Variants in IGF2R observed in about 807,000 individuals in gnomAD.
The protein encoded by IGF2R is insulin like growth factor 2 receptor.
Under a neutral mutation model 270.6 loss-of-function variants are expected in IGF2R, and 91 were observed. The observed-to-expected ratio is 0.34, with a 90% CI of 0.28 to 0.40. The LOEUF (loss-of-function observed/expected upper bound fraction) is 0.40, where lower values mean the gene tolerates loss of function less well. Among genes scored for constraint, IGF2R ranks in the 10% least tolerant of loss-of-function variants. The pLI is 1.00. For synonymous variants in IGF2R, 1,316 were observed against 1,258.9 expected (o/e 1.05, Z -0.96); for missense variants, 2,805 against 3,188.3 (o/e 0.88, Z 2.90).
chr6:160,087,903 T>C, intron 41 of IGF2R, 130 bp from the exon 42 acceptor site: 1 of 635,448 alleles, frequency 1.6e-6, no homozygotes, highest in Non-Finnish European at 2.9e-6. Context: ...CTCTAACTCC[T>C]GACCTCAAGT....
In IGF2R at chr6:160,050,632, G is replaced by A. The variant is rs372347541; in HGVS notation, c.2674G>A (p.Val892Ile). 2.5e-5 allele frequency: 40 copies of A among 1,608,456 alleles called. 1 individual carries two copies. In the Admixed American group the frequency reaches 5.0e-4, roughly 20 times the overall value. The part of the protein sequence containing the change: ...QTTYTTRIHL[V>I]CSRGRLNSHP... ...CACATATACCACGAGGATCCATCTC[G>A]TCTGCTCCAGGGGCAGGCTGGTAAG... The change falls in exon 19 of 48, where the codon GTC becomes ATC. Residue 892 changes from valine to isoleucine, a missense_variant. Physicochemically the swap from Val to Ile is conservative, Grantham distance 29 (BLOSUM62 3). Coordinates refer to ENST00000356956, the MANE Select transcript of IGF2R (RefSeq NM_000876.4). The surrounding 1 kb of genome is among the most constrained non-coding windows in gnomAD (Gnocchi z 4.0).
intron 32 of IGF2R, among the ~76,000 whole-genome samples, chr6:160,072,486 C>T (rs1778763555): frequency 6.6e-6 from 1 of 152,176 alleles, no homozygotes. Flanking sequence ...GCAGGCTCTC[C>T]CCATGCCCAC....
chr6:159,992,598 T>TCACACACACACA (rs71033567), intron 2 of IGF2R, among the ~76,000 whole-genome samples: 8 of 146,152 alleles, frequency 5.5e-5, no homozygotes, highest in African/African-American at 2.0e-4. Flanking sequence ...AAGAATGAAA[T>TCACACACACACA]CACACACACA....
chr6:160,067,480 A>G (rs1778610954), intron 29 of IGF2R, among the ~76,000 whole-genome samples: 1 of 152,038 alleles, frequency 6.6e-6, no homozygotes, highest in African/African-American at 2.4e-5. Context: ...TTTCTTCCAC[A>G]GGTAATTTTG....
intron 37 of IGF2R, among the ~76,000 whole-genome samples, 176 bp from the exon 38 acceptor site, chr6:160,079,398 TGGGGGA>T (rs920625427): frequency 3.3e-5 from 5 of 152,120 alleles, no homozygotes; most frequent in Non-Finnish European, 7.4e-5. Context: ...GCCTAGGGGT[TGGGGGA>T]GGCCCCCCAG....
At chr6:160,001,186 TC>T (rs1784124695) in intron 2 of IGF2R, among the ~76,000 whole-genome samples, 1 of 152,102 alleles carries the variant, frequency 6.6e-6, no homozygotes, top group African/African-American at 2.4e-5. Context: ...TTACAGCCGC[TC>T]CCCATTGCTT....
intron 19 of IGF2R, among the ~76,000 whole-genome samples, chr6:160,054,069 T>G (rs1778254927): frequency 1.3e-5 from 2 of 152,222 alleles, no homozygotes; most frequent in East Asian, 1.9e-4. Flanking sequence ...GAGCTTTATT[T>G]CTCATAAAGA....
intron 44 of IGF2R, chr6:160,095,406 C>T (rs1316564900): frequency 6.6e-6 from 1 of 152,328 alleles, no homozygotes; most frequent in Non-Finnish European, 1.5e-5. Context: ...TATGGAAGTG[C>T]CTAATGTATC....
rs1254194691 is a variant in IGF2R, at chr6:160,109,715, T to A, written c.*4631T>A. 6.6e-6 allele frequency: 1 copy of A among 152,212 alleles called. No individual in the cohort carries two copies. Among genetic ancestry groups the A allele is most frequent in the Non-Finnish European group, 1.5e-5 (1 of 68,064 alleles). The allele number at this position is 152,212 out of a possible 1,614,324, so 9.4% of individuals were successfully genotyped here. On this transcript the variant is annotated 3_prime_UTR_variant, in exon 48 of 48. Transcript: ENST00000356956. ...GGTTTACTTCTGTCTGGAAAGTTTC[T>A]CCTTTCTGTAACCTCCATGACCTTG...
chr6:160,066,963 A>G (rs879804281), intron 29 of IGF2R, among the ~76,000 whole-genome samples: 3 of 152,096 alleles, frequency 2.0e-5, no homozygotes, highest in Non-Finnish European at 4.4e-5. Flanking sequence ...TCTCCTTGCC[A>G]TGTCCCTTGT....
At chr6:160,006,893 A>C (rs1015093835) in intron 2 of IGF2R, 8 of 149,912 alleles carry the variant, frequency 5.3e-5, no homozygotes, top group African/African-American at 2.0e-4. Flanking sequence ...AGGAGTAATC[A>C]TTAGCTCCCA....
At chr6:160,012,256 G>A (rs951512430) in intron 4 of IGF2R, among the ~76,000 whole-genome samples, 3 of 152,176 alleles carry the variant, frequency 2.0e-5, no homozygotes, top group Admixed American at 6.5e-5. Context: ...TACTGTTAGC[G>A]GTGGGAAAAG....
intron 1 of IGF2R, among the ~76,000 whole-genome samples, chr6:159,978,222 T>C (rs959906036): frequency 2.0e-5 from 3 of 152,202 alleles, no homozygotes; most frequent in Non-Finnish European, 4.4e-5. Flanking sequence ...TCAAAGCCAC[T>C]GGACTCCGTG....
chr6:160,073,141 C>G (rs544389084), intron 33 of IGF2R, 72 bp from the exon 34 acceptor site: 2 of 1,574,012 alleles, frequency 1.3e-6, no homozygotes, highest in Admixed American at 1.7e-5. Context: ...TCCTGACTTG[C>G]GAAAGTTCTC....
intron 39 of IGF2R, among the ~76,000 whole-genome samples, chr6:160,080,553 A>G (rs1224579574): frequency 6.6e-6 from 1 of 152,190 alleles, no homozygotes; most frequent in Admixed American, 6.5e-5. Context: ...GTGTCCACAT[A>G]CCAGGTTTTA....
At position 160,071,062 on chromosome 6, in the gene IGF2R, G is replaced by A. The variant is rs79975153; in HGVS notation, c.4444-848G>A. On this transcript the variant is annotated intron_variant, in intron 31 of 47. Transcript: ENST00000356956. ...GGGCCCAGAAGGCTGGGAGGGAAGG[G>A]TGAAGGGGTGTGTGGGGTTCCCCAT... 3.6e-3 allele frequency among the ~76,000 whole-genome samples: 533 copies of A among 149,858 alleles called. 4 individuals are homozygous for A. The highest frequency in any genetic ancestry group is 0.012 in the African/African-American group (508 of 40,704).
chr6:160,046,640 A>G lies in IGF2R; in HGVS notation c.2046A>G (p.Ala682=), dbSNP rs1165068689. 2 of 1,610,816 alleles carry G rather than the reference A, an allele frequency of 1.2e-6. No individual in the cohort carries two copies. The highest frequency in any genetic ancestry group is 2.2e-5 in the East Asian group (1 of 44,884). ...CQPDSGACQV[A]KSDEKTWNLG... ...CAGACTCAGGAGCCTGCCAGGTGGCAAAAAGGCAAGTAGCTTCTCAGTTCT... is the reference window on the plus strand; with the variant it reads ...CAGACTCAGGAGCCTGCCAGGTGGCGAAAAGGCAAGTAGCTTCTCAGTTCT... The change falls in exon 15 of 48, where the codon GCA becomes GCG. Residue 682 remains alanine, a synonymous_variant. Coordinates refer to ENST00000356956, the MANE Select transcript of IGF2R (RefSeq NM_000876.4).
intron 6 of IGF2R, among the ~76,000 whole-genome samples, chr6:160,028,172 G>A (rs1042866206): frequency 5.3e-5 from 8 of 152,276 alleles, no homozygotes; most frequent in Middle Eastern, 3.4e-3. Context: ...AGGCGTCACC[G>A]GGGCTGGTTT....
chr6:160,079,641 A>G lies in IGF2R; in HGVS notation c.5540A>G (p.Gln1847Arg). The G allele has an allele frequency of 6.4e-7, 1 of 1,568,380 alleles. No individual in the cohort carries two copies. The highest frequency in any genetic ancestry group is 8.6e-7 in the Non-Finnish European group (1 of 1,158,020). The change falls in exon 38 of 48, where the codon CAA becomes CGA. Residue 1847 changes from glutamine to arginine, a missense_variant. Gln to Arg is a conservative substitution (Grantham distance 43, BLOSUM62 1). Transcript: ENST00000356956. ...GVCTFAVGPE[Q>R]GGCKDGGVCL... ...TGCACCTTTGCAGTCGGGCCAGAAC[A>G]AGGAGGCTGTAAGGACGGAGGAGTC... is the stretch of plus-strand genomic sequence containing the variant.
Sources: allele counts gnomAD v4.1 joint callset (sites outside exome capture counted in the v4.1 genomes callset), GRCh38; gene constraint gnomAD v4.1.1; non-coding constraint Gnocchi (gnomAD v3.1); transcripts MANE v1.5; gene names NCBI Gene and HGNC (gene_info 2026-07-23, HGNC 2026-07-21).